Variants in RALYL observed in about 807,000 individuals in gnomAD.
The protein encoded by RALYL is RALY RNA binding protein like, also known as RNA-binding Raly-like protein.
In RALYL, 29 loss-of-function variants were observed where a neutral mutation model predicts 35.1. The observed-to-expected ratio is 0.83, with a 90% CI of 0.61 to 1.13. The LOEUF is 1.13. Ranked by LOEUF, RALYL falls within the 50% of genes most tolerant of loss-of-function variation. RALYL has a pLI of 0.00. For synonymous variants in RALYL, 120 were observed against 127.6 expected, an observed-to-expected ratio of 0.94 and a Z score of 0.40; for missense variants, 359 against 360.4, an observed-to-expected ratio of 1.00 and a Z score of 0.03.
chr8:84,454,166 AG>A (rs2049860994), intron 1 of RALYL, among the ~76,000 whole-genome samples: 3 of 152,136 alleles, frequency 2.0e-5, no homozygotes, highest in South Asian at 2.1e-4. Flanking sequence ...AGGAAGAGAT[AG>A]ATTATCTTTC....
At chr8:84,630,445 A>G (rs1823674651) in intron 2 of RALYL, among the ~76,000 whole-genome samples, 1 of 152,028 alleles carries the variant, frequency 6.6e-6, no homozygotes, top group Admixed American at 6.6e-5. Context: ...AAAGGGAAGT[A>G]TGATGAGTCA....
At chr8:84,390,088 T>A (rs895699808) in intron 1 of RALYL, among the ~76,000 whole-genome samples, 1 of 151,844 alleles carries the variant, frequency 6.6e-6, no homozygotes, top group Admixed American at 6.6e-5. Flanking sequence ...CTTTTCTGCA[T>A]CAATTGAGAT....
chr8:84,599,228 C>A (rs983167983), intron 2 of RALYL, among the ~76,000 whole-genome samples: 1 of 151,966 alleles, frequency 6.6e-6, no homozygotes, highest in South Asian at 2.1e-4. Context: ...CTAAAAATTT[C>A]ATATATGTGC....
At chr8:84,326,747 A>G (rs931334755) in intron 1 of RALYL, among the ~76,000 whole-genome samples, 1 of 152,206 alleles carries the variant, frequency 6.6e-6, no homozygotes, top group African/African-American at 2.4e-5. Context: ...TATCAAAATT[A>G]AAATGGTTTA....
chr8:84,509,208 T>G (rs772285196), intron 1 of RALYL, among the ~76,000 whole-genome samples: 1 of 152,208 alleles, frequency 6.6e-6, no homozygotes, highest in Non-Finnish European at 1.5e-5. Flanking sequence ...CTTGGGTTCA[T>G]GCATTTGATT....
At chr8:84,399,948 C>G (rs541978310) in intron 1 of RALYL, among the ~76,000 whole-genome samples, 183 of 152,280 alleles carry the variant, frequency 1.2e-3, no homozygotes, top group African/African-American at 4.2e-3. Flanking sequence ...GAAACCCTGT[C>G]TCTACTAAAA....
chr8:84,345,196 AT>A (rs1484760515), intron 1 of RALYL, among the ~76,000 whole-genome samples: 1 of 149,636 alleles, frequency 6.7e-6, no homozygotes, highest in Admixed American at 6.7e-5. Context: ...CTTTCTTTAC[AT>A]TGTTACACAT....
At chr8:84,871,208 A>G (rs1420266100) in intron 6 of RALYL, among the ~76,000 whole-genome samples, 1 of 152,182 alleles carries the variant, frequency 6.6e-6, no homozygotes, top group Non-Finnish European at 1.5e-5. Context: ...CTGAGTCTAG[A>G]CTTAAATGAA....
chr8:84,647,725 CA>C (rs942056624), intron 2 of RALYL, among the ~76,000 whole-genome samples: 2 of 151,744 alleles, frequency 1.3e-5, no homozygotes, highest in African/African-American at 4.8e-5. Flanking sequence ...GGGAGATACA[CA>C]AGAAACAATA....
At chr8:84,633,899 A>G (rs1564280853) in intron 2 of RALYL, among the ~76,000 whole-genome samples, 1 of 151,846 alleles carries the variant, frequency 6.6e-6, no homozygotes, top group South Asian at 2.1e-4. Flanking sequence ...GGGAAAAGAT[A>G]CTTAATTTTT....
At chr8:84,352,418 A>G (rs1851073312) in intron 1 of RALYL, among the ~76,000 whole-genome samples, 1 of 150,570 alleles carries the variant, frequency 6.6e-6, no homozygotes, top group Non-Finnish European at 1.5e-5. Context: ...CAGGGTTCAA[A>G]TAAAATTAGG....
At chr8:84,232,912 A>G (rs541581257) in intron 1 of RALYL, among the ~76,000 whole-genome samples, 16 of 152,260 alleles carry the variant, frequency 1.1e-4, no homozygotes, top group Admixed American at 2.6e-4. Flanking sequence ...CTGAATATGG[A>G]AGAAACCTTT....
intron 1 of RALYL, among the ~76,000 whole-genome samples, chr8:84,191,365 A>G (rs1282803204): frequency 6.6e-6 from 1 of 152,228 alleles, no homozygotes; most frequent in Non-Finnish European, 1.5e-5. Context: ...AAAATACACT[A>G]TAAAGCTTTA....
At chr8:84,744,059 A>T (rs777500630) in intron 2 of RALYL, among the ~76,000 whole-genome samples, 6 of 152,016 alleles carry the variant, frequency 3.9e-5, no homozygotes, top group Non-Finnish European at 8.8e-5. Flanking sequence ...AATACCTCTG[A>T]ACTGTACACT....
intron 4 of RALYL, among the ~76,000 whole-genome samples, chr8:84,816,595 G>C (rs1300888524): frequency 6.6e-6 from 1 of 151,946 alleles, no homozygotes; most frequent in Non-Finnish European, 1.5e-5. Flanking sequence ...TATTTCCCAG[G>C]TTTGGTTGGA....
At chr8:84,793,798 G>C (rs1016438882) in intron 3 of RALYL, among the ~76,000 whole-genome samples, 1 of 152,142 alleles carries the variant, frequency 6.6e-6, no homozygotes, top group Admixed American at 6.6e-5. Flanking sequence ...AAGGGTCCAG[G>C]GGAGGGTGGG....
At chr8:84,492,982 C>T (rs1172061753) in intron 1 of RALYL, among the ~76,000 whole-genome samples, 1 of 151,978 alleles carries the variant, frequency 6.6e-6, no homozygotes, top group Non-Finnish European at 1.5e-5. Flanking sequence ...ATACGTGTAC[C>T]ATGGTGGTTT....
chr8:84,365,525 A>T (rs1417071992), intron 1 of RALYL, among the ~76,000 whole-genome samples: 4 of 152,230 alleles, frequency 2.6e-5, no homozygotes. Context: ...GATAAAAATG[A>T]ACAACTAAAA....
chr8:84,818,383 A>ATTAT (rs1827821442), intron 4 of RALYL, among the ~76,000 whole-genome samples: 1 of 152,210 alleles, frequency 6.6e-6, no homozygotes. Flanking sequence ...AACTGGTCAG[A>ATTAT]TTATTAGGAA....
Sources: allele counts gnomAD v4.1 joint callset (sites outside exome capture counted in the v4.1 genomes callset), GRCh38; gene constraint gnomAD v4.1.1; transcripts MANE v1.5; gene names NCBI Gene and HGNC (gene_info 2026-07-23, HGNC 2026-07-21).